CORO2B: variants seen among roughly 807,000 people sequenced by gnomAD.
CORO2B encodes the protein coronin-2B.
CORO2B carries 26 observed loss-of-function variants against 58.8 expected under a neutral mutation model. The ratio of observed to expected loss-of-function variants is 0.44; its 90% CI spans 0.32 to 0.61. The LOEUF is 0.61. Among genes scored for constraint, CORO2B ranks in the 20% least tolerant of loss-of-function variants. CORO2B has a pLI of 0.04. For missense variants in CORO2B, 460 were observed against 645.1 expected (o/e 0.71, Z 3.11); for synonymous variants, 242 against 253.8 (o/e 0.95, Z 0.44).
chr15:68,531,524 GAA>G, the CORO2B span, among the ~76,000 whole-genome samples: 2 of 127,598 alleles, frequency 1.6e-5, no homozygotes, highest in Admixed American at 8.3e-5. Flanking sequence ...AGGAAGGAAG[GAA>G]GGAAGGAAGG....
chr15:68,574,137 A>G (rs1283624065), upstream of CORO2B, among the ~76,000 whole-genome samples: 2 of 152,158 alleles, frequency 1.3e-5, no homozygotes, highest in Non-Finnish European at 2.9e-5. Context: ...ACTGAGTTGC[A>G]CAAGAGAGCA....
chr15:68,698,793 G>A (rs897135972), intron 3 of CORO2B, among the ~76,000 whole-genome samples: 3 of 152,174 alleles, frequency 2.0e-5, no homozygotes, highest in Admixed American at 6.5e-5. Flanking sequence ...CCAGTAGTAT[G>A]CCTGTCCCTT....
At chr15:68,690,727 G>A (rs2140309605) in intron 2 of CORO2B, among the ~76,000 whole-genome samples, 1 of 134,376 alleles carries the variant, frequency 7.4e-6, no homozygotes, top group South Asian at 2.4e-4. Flanking sequence ...ATGATTTATT[G>A]CAGCCTAGGC....
chr15:68,632,204 T>TA (rs1264160271), intron 1 of CORO2B: 2 of 985,400 alleles, frequency 2.0e-6, no homozygotes, highest in Non-Finnish European at 2.4e-6. Context: ...CCTTGGGCGC[T>TA]ATTCATCCAC....
chr15:68,629,946 G>C (rs759115108), intron 1 of CORO2B, among the ~76,000 whole-genome samples: 10 of 152,192 alleles, frequency 6.6e-5, no homozygotes, highest in Admixed American at 2.0e-4. Context: ...AATCCAAAAG[G>C]ATAGGTAATG....
the CORO2B span, among the ~76,000 whole-genome samples, chr15:68,563,626 G>C: frequency 6.6e-6 from 1 of 151,992 alleles, no homozygotes; most frequent in Admixed American, 6.5e-5. Flanking sequence ...ATCAACAAAA[G>C]TGACACACCT....
chr15:68,679,278 C>T (rs1902696101), intron 2 of CORO2B, among the ~76,000 whole-genome samples: 1 of 152,256 alleles, frequency 6.6e-6, no homozygotes, highest in Non-Finnish European at 1.5e-5. Flanking sequence ...AACATATAAC[C>T]CCAGACTGGC....
rs71145193 is a variant in CORO2B at position 68,701,478 on chromosome 15, A to ATTTTTTTTTTTTT, written c.333+6235_333+6247dup. On this transcript the variant is annotated intron_variant, in intron 3 of 11. Coordinates refer to ENST00000261861, the MANE Select transcript of CORO2B (RefSeq NM_006091.5). ...AGGCGCCTGCAACCACGCCCGGCTA[A>ATTTTTTTTTTTTT]TTTTTTTTTTTTTTTTTTTTTTTTT... Among the ~76,000 whole-genome samples the ATTTTTTTTTTTTT allele has an allele frequency of 2.6e-4, 10 of 38,828 alleles. 1 individual carries two copies. The highest frequency in any genetic ancestry group is 3.1e-3 in the South Asian group (2 of 640). 25.5% of individuals were successfully genotyped at this position (38,828 alleles called of 152,430 possible).
intron 11 of CORO2B, among the ~76,000 whole-genome samples, chr15:68,723,786 CA>C (rs1893225569): frequency 6.6e-6 from 1 of 151,924 alleles, no homozygotes; most frequent in African/African-American, 2.4e-5. Flanking sequence ...TTGTTTTAAA[CA>C]TAAAACATGC....
chr15:68,672,161 T>G (rs1015075213), intron 2 of CORO2B, among the ~76,000 whole-genome samples: 2 of 150,998 alleles, frequency 1.3e-5, no homozygotes, highest in African/African-American at 4.9e-5. Context: ...AATCGGGAGG[T>G]GTGTGTGTGT....
At chr15:68,551,249 G>A in the CORO2B span, among the ~76,000 whole-genome samples, 1 of 152,090 alleles carries the variant, frequency 6.6e-6, no homozygotes, top group Non-Finnish European at 1.5e-5. Flanking sequence ...GCTCTCGGGG[G>A]CTCATTCTGT....
intron 1 of CORO2B, among the ~76,000 whole-genome samples, chr15:68,596,533 T>C (rs1436147557): frequency 6.6e-6 from 1 of 151,830 alleles, no homozygotes; most frequent in East Asian, 1.9e-4. Context: ...GGAAAGGAGA[T>C]TGAAGGGGAA....
rs577303906 is a variant in CORO2B, at chr15:68,691,783, T to A, written c.217-3357T>A. On this transcript the variant is annotated intron_variant, in intron 2 of 11. Transcript: ENST00000261861. ...AGGCTCCTCTCTGTTCTGAATAGGT[T>A]CCGGTGATGTTGCCTAACCTGCCCC... 2.6e-5 allele frequency among the ~76,000 whole-genome samples: 4 copies of A among 152,202 alleles called. No homozygotes were observed. In the South Asian group the frequency reaches 8.3e-4, roughly 32 times the overall value.
intron 1 of CORO2B, among the ~76,000 whole-genome samples, chr15:68,619,828 TC>T (rs1900468955): frequency 6.6e-6 from 1 of 152,174 alleles, no homozygotes; most frequent in African/African-American, 2.4e-5. Context: ...TCTAGGTCTT[TC>T]CTTGCTGTGT....
At chr15:68,630,848 G>A (rs535782691) in intron 1 of CORO2B, among the ~76,000 whole-genome samples, 13 of 152,270 alleles carry the variant, frequency 8.5e-5, no homozygotes, top group African/African-American at 2.6e-4. Flanking sequence ...GTGCCAGAGC[G>A]CCAGGATTTA....
At position 68,645,779 on chromosome 15, in the gene CORO2B, AT is replaced by A. The variant is rs112673362; in HGVS notation, c.216+431del. Among the ~76,000 whole-genome samples the A allele has an allele frequency of 0.029, 4,245 of 147,032 alleles. 77 individuals are homozygous for A. Among genetic ancestry groups the A allele is most frequent in the African/African-American group, 0.064 (2,577 of 40,384 alleles). ...ATTGAGCATCTGCAAAAATTATACA[AT>A]TTTTTTTTTTTGAGATGGAGTCTTG... On this transcript the variant is annotated intron_variant, in intron 2 of 11. Transcript: ENST00000261861. This position sits in a 1 kb window ranked among gnomAD's most constrained non-coding sequence, Gnocchi z 4.5.
chr15:68,667,262 C>G (rs1484019179), intron 2 of CORO2B, among the ~76,000 whole-genome samples: 1 of 152,186 alleles, frequency 6.6e-6, no homozygotes, highest in Non-Finnish European at 1.5e-5. Context: ...TCTTCATGCT[C>G]CTCTCTGCAC....
chr15:68,695,391 C>G, intron 3 of CORO2B, 135 bp downstream of exon 3: 1 of 691,956 alleles, frequency 1.4e-6, no homozygotes, highest in East Asian at 2.6e-5. Context: ...CCAGCAAGCC[C>G]CACGATGTGG....
chr15:68,581,855 T>C (rs1899436020), intron 1 of CORO2B, among the ~76,000 whole-genome samples: 1 of 152,210 alleles, frequency 6.6e-6, no homozygotes, highest in African/African-American at 2.4e-5. Flanking sequence ...CCTTCTCTGC[T>C]GCTGCTTCTC....
Sources: allele counts gnomAD v4.1 joint callset (sites outside exome capture counted in the v4.1 genomes callset), GRCh38; gene constraint gnomAD v4.1.1; non-coding constraint Gnocchi (gnomAD v3.1); transcripts MANE v1.5; gene names NCBI Gene and HGNC (gene_info 2026-07-23, HGNC 2026-07-21).